Variants in FGF12 observed in about 807,000 individuals in gnomAD.
FGF12 encodes fibroblast growth factor 12B.
FGF12 carries 14 observed loss-of-function variants against 23.6 expected under a neutral mutation model. The observed-to-expected ratio is 0.59, with a 90% CI of 0.39 to 0.93. FGF12 has a LOEUF of 0.93. Ranked by LOEUF, FGF12 falls within the 40% of genes least tolerant of loss-of-function variation. The pLI is 0.00. For synonymous variants in FGF12, 62 were observed against 77.3 expected (o/e 0.80, Z 1.04); for missense variants, 175 against 217.8 (o/e 0.80, Z 1.24).
intron 2 of FGF12, among the ~76,000 whole-genome samples, chr3:192,363,657 C>T (rs953002944): frequency 2.0e-5 from 3 of 152,016 alleles, no homozygotes; most frequent in Non-Finnish European, 4.4e-5. Context: ...CTATTACCAT[C>T]GATCAAGTCC....
Position 192,170,582 on chromosome 3 carries a change from C to G in FGF12, c.303G>C (p.Leu101=). The G allele has an allele frequency of 6.2e-7, 1 of 1,612,656 alleles. No individual in the cohort carries two copies. Among genetic ancestry groups the G allele is most frequent in the East Asian group, 2.2e-5 (1 of 44,794 alleles). ...CTCGGCCTGATTCTTGCTGGCGGTA[C>G]AGTGTGGAAGAATAGATCACATAGT... is the stretch of plus-strand genomic sequence containing the variant. ...ENYYVIYSST[L]YRQQESGRAW... The change falls in exon 5 of 6, where the codon CTG becomes CTC. Residue 101 remains leucine, a synonymous_variant. Coordinates refer to ENST00000445105, the MANE Select transcript of FGF12 (RefSeq NM_004113.6).
intron 2 of FGF12, among the ~76,000 whole-genome samples, chr3:192,372,171 A>G (rs1196211135): frequency 1.3e-5 from 2 of 152,204 alleles, no homozygotes; most frequent in Non-Finnish European, 2.9e-5. Flanking sequence ...ATAAATGAAC[A>G]GGACACATTA....
chr3:192,721,104 T>A (rs1365938266), intron 2 of FGF12, among the ~76,000 whole-genome samples: 3 of 151,836 alleles, frequency 2.0e-5, no homozygotes, highest in Non-Finnish European at 2.9e-5. Context: ...TTTGTGGGAG[T>A]TAATGAAGGG....
At chr3:192,184,190 T>TGCCA (rs1577212954) in intron 4 of FGF12, among the ~76,000 whole-genome samples, 1 of 152,146 alleles carries the variant, frequency 6.6e-6, no homozygotes, top group East Asian at 1.9e-4. Context: ...TGCCACTGTA[T>TGCCA]GCCAGCCTGA....
intron 4 of FGF12, among the ~76,000 whole-genome samples, chr3:192,296,597 T>A (rs886080363): frequency 2.0e-5 from 3 of 152,198 alleles, no homozygotes; most frequent in Non-Finnish European, 4.4e-5. Context: ...TAAAACATGA[T>A]ATTAATATTT....
chr3:192,507,027 G>A (rs1387430223), intron 2 of FGF12, among the ~76,000 whole-genome samples: 1 of 151,948 alleles, frequency 6.6e-6, no homozygotes, highest in African/African-American at 2.4e-5. Context: ...AAGTAGCTGG[G>A]ACTACAGGCG....
intron 5 of FGF12, among the ~76,000 whole-genome samples, chr3:192,165,415 T>C (rs1715109570): frequency 1.3e-5 from 2 of 152,098 alleles, no homozygotes; most frequent in African/African-American, 4.8e-5. Flanking sequence ...ACATGTAAAT[T>C]CTAGGCTAGG....
In FGF12 at chr3:192,482,471, T is replaced by C. The variant is rs187205912; in HGVS notation, c.14-121933A>G. 4.7e-4 allele frequency among the ~76,000 whole-genome samples: 71 copies of C among 151,930 alleles called. 1 individual carries two copies. In the East Asian group the frequency reaches 0.014, roughly 29 times the overall value. On this transcript the variant is annotated intron_variant, in intron 2 of 5. Coordinates refer to ENST00000445105, the MANE Select transcript of FGF12 (RefSeq NM_004113.6). ...CAACATGGAGACAACCTGTCTGTAATATAAATACAAAAATTAGCTGGACGT... is the reference window on the plus strand; with the variant it reads ...CAACATGGAGACAACCTGTCTGTAACATAAATACAAAAATTAGCTGGACGT...
chr3:192,256,576 A>T (rs1039930882), intron 4 of FGF12, among the ~76,000 whole-genome samples: 3 of 152,228 alleles, frequency 2.0e-5, no homozygotes, highest in African/African-American at 7.2e-5. Context: ...TATGCCATAT[A>T]TTTAAAGCAT....
chr3:192,526,561 C>T (rs772851123), intron 2 of FGF12, among the ~76,000 whole-genome samples: 4 of 152,178 alleles, frequency 2.6e-5, no homozygotes, highest in Admixed American at 2.6e-4. Flanking sequence ...CGCATACACA[C>T]ACACACACAT....
chr3:192,406,277 T>C (rs1278118217), intron 2 of FGF12, among the ~76,000 whole-genome samples: 6 of 151,682 alleles, frequency 4.0e-5, no homozygotes, highest in Non-Finnish European at 8.8e-5. Context: ...TGTTACCCGT[T>C]CACATATATC....
At chr3:192,168,914 G>A (rs1021377683) in intron 5 of FGF12, among the ~76,000 whole-genome samples, 4 of 152,124 alleles carry the variant, frequency 2.6e-5, no homozygotes, top group East Asian at 1.9e-4. Context: ...CTTGAAGAAA[G>A]TCAAGAAGGC....
chr3:192,599,356 C>T (rs539589009), intron 2 of FGF12, among the ~76,000 whole-genome samples: 63 of 151,776 alleles, frequency 4.2e-4, no homozygotes, highest in African/African-American at 1.4e-3. Context: ...AATATGTGAT[C>T]TTCAGTAAGT....
chr3:192,506,179 A>G (rs890175944), intron 2 of FGF12, among the ~76,000 whole-genome samples: 12 of 152,214 alleles, frequency 7.9e-5, no homozygotes, highest in Non-Finnish European at 1.2e-4. Flanking sequence ...ACTGATATCA[A>G]TCTCTTGTCC....
intron 4 of FGF12, among the ~76,000 whole-genome samples, chr3:192,277,601 C>T (rs1233887884): frequency 2.0e-5 from 3 of 152,174 alleles, no homozygotes; most frequent in Admixed American, 1.3e-4. Flanking sequence ...GCTTGCAGAA[C>T]CTACAACTGT....
chr3:192,200,110 A>G (rs1717285541), intron 4 of FGF12, among the ~76,000 whole-genome samples: 1 of 151,298 alleles, frequency 6.6e-6, no homozygotes, highest in Non-Finnish European at 1.5e-5. Context: ...TGAGCTCAGG[A>G]GTTTGTGACC....
chr3:192,186,349 T>C (rs1716465926), intron 4 of FGF12, among the ~76,000 whole-genome samples: 2 of 152,220 alleles, frequency 1.3e-5, no homozygotes, highest in Admixed American at 1.3e-4. Context: ...GTTCAGTTCA[T>C]GACTACGTGG....
At chr3:192,505,487 T>C (rs1192112499) in intron 2 of FGF12, among the ~76,000 whole-genome samples, 1 of 152,236 alleles carries the variant, frequency 6.6e-6, no homozygotes, top group Non-Finnish European at 1.5e-5. Flanking sequence ...TGATAACTTT[T>C]GTTTAAAAAA....
At chr3:192,433,909 T>C (rs920277519) in intron 2 of FGF12, among the ~76,000 whole-genome samples, 1 of 152,200 alleles carries the variant, frequency 6.6e-6, no homozygotes, top group Non-Finnish European at 1.5e-5. Flanking sequence ...AGTTTCAGTA[T>C]TTCTGGCCAT....
Sources: gnomAD v4.1 joint callset for allele counts (sites outside exome capture counted in the v4.1 genomes callset) on GRCh38, gnomAD v4.1.1 for gene constraint, MANE v1.5 for transcripts, NCBI Gene and HGNC (gene_info 2026-07-23, HGNC 2026-07-21) for gene names.